The following CRACDL variants were observed in gnomAD, a reference collection of about 807,000 sequenced individuals.
CRACDL encodes the protein CRACD like.
Under a neutral mutation model 70.6 loss-of-function variants are expected in CRACDL, and 26 were observed. That is an observed-to-expected ratio of 0.37 (90% CI 0.27 to 0.51). The LOEUF (loss-of-function observed/expected upper bound fraction) is 0.51. Among genes scored for constraint, CRACDL ranks in the 20% least tolerant of loss-of-function variants. The probability of loss-of-function intolerance (pLI) is 0.94; values close to 1 mark genes in which losing one functional copy is unlikely to be tolerated. For synonymous variants in CRACDL, 618 were observed against 615.2 expected, an observed-to-expected ratio of 1.00 and a Z score of -0.07; for missense variants, 1,283 against 1,376.9, an observed-to-expected ratio of 0.93 and a Z score of 1.08.
At chr2:98,874,278 A>C (rs1707424012) in intron 1 of CRACDL, among the ~76,000 whole-genome samples, 1 of 152,228 alleles carries the variant, frequency 6.6e-6, no homozygotes, top group Non-Finnish European at 1.5e-5. Flanking sequence ...ATAGAACCCA[A>C]CAGCCATCAT....
intron 1 of CRACDL, among the ~76,000 whole-genome samples, chr2:98,872,312 C>G (rs78747015): frequency 6.6e-6 from 1 of 152,118 alleles, no homozygotes; most frequent in African/African-American, 2.4e-5. Flanking sequence ...GAGCTGAGAT[C>G]GCACCACTGC....
chr2:98,897,919 T>C (rs1280911240), intron 1 of CRACDL, among the ~76,000 whole-genome samples: 1 of 152,220 alleles, frequency 6.6e-6, no homozygotes, highest in African/African-American at 2.4e-5. Context: ...AGCGGCTGGC[T>C]TATTACTGCC....
At chr2:98,857,769 T>G (rs1042280557) in intron 1 of CRACDL, among the ~76,000 whole-genome samples, 4 of 151,968 alleles carry the variant, frequency 2.6e-5, no homozygotes, top group African/African-American at 9.7e-5. Flanking sequence ...AAGCAGAAAA[T>G]CAACAGTGAT....
Position 98,832,330 on chromosome 2 carries a change from G to A in CRACDL, c.540+18C>T, listed in dbSNP as rs1234762874. The A allele has an allele frequency of 1.2e-6, 2 of 1,613,918 alleles. No homozygotes were observed. Among genetic ancestry groups the A allele is most frequent in the Non-Finnish European group, 1.7e-6 (2 of 1,179,878 alleles). On this transcript the variant is annotated intron_variant, in intron 5 of 9. Transcript: ENST00000397899. Reference sequence around the variant, plus strand: ...GCAGGTGTGGATGAAGACATGCAGTGGTACAGGCCGCACTTGCCTTTATGG... The same window carrying A: ...GCAGGTGTGGATGAAGACATGCAGTAGTACAGGCCGCACTTGCCTTTATGG...
intron 1 of CRACDL, among the ~76,000 whole-genome samples, chr2:98,933,937 C>T (rs1322459991): frequency 6.6e-6 from 1 of 152,072 alleles, no homozygotes; most frequent in African/African-American, 2.4e-5. Flanking sequence ...CTGGTGGGGG[C>T]CCATTCCTCA....
chr2:98,904,977 G>A (rs1235039487), intron 1 of CRACDL, among the ~76,000 whole-genome samples: 4 of 151,192 alleles, frequency 2.6e-5, no homozygotes, highest in Non-Finnish European at 5.9e-5. Context: ...CCGGCCGGGC[G>A]CGGTGGCTCA....
At chr2:98,804,251 C>T (rs935881565) in intron 7 of CRACDL, among the ~76,000 whole-genome samples, 2 of 152,174 alleles carry the variant, frequency 1.3e-5, no homozygotes, top group Non-Finnish European at 2.9e-5. Flanking sequence ...TGACAGGAGA[C>T]GGTGCTGTGT....
chr2:98,884,250 T>C (rs17022042), intron 1 of CRACDL, among the ~76,000 whole-genome samples: 5,724 of 152,216 alleles, frequency 0.038, 303 homozygotes, highest in East Asian at 0.13. Flanking sequence ...TCTCCTACAC[T>C]GGCCAAATAA....
At chr2:98,833,773 C>T (rs950688861) in intron 3 of CRACDL, among the ~76,000 whole-genome samples, 1 of 152,202 alleles carries the variant, frequency 6.6e-6, no homozygotes, top group African/African-American at 2.4e-5. Flanking sequence ...AAGGAGATGA[C>T]TGAGATCTGA....
chr2:98,907,116 A>G (rs1320070650), intron 1 of CRACDL, among the ~76,000 whole-genome samples: 3 of 152,056 alleles, frequency 2.0e-5, no homozygotes, highest in African/African-American at 7.2e-5. Flanking sequence ...ACATGGTGAA[A>G]CCCTTTCCCT....
chr2:98,825,363 C>G (rs984307147), intron 6 of CRACDL, among the ~76,000 whole-genome samples: 6 of 152,204 alleles, frequency 3.9e-5, no homozygotes, highest in Non-Finnish European at 5.9e-5. Context: ...CTGGCTACAT[C>G]AGGTTTTCTG....
intron 1 of CRACDL, among the ~76,000 whole-genome samples, chr2:98,934,393 C>T (rs1021977150): frequency 2.0e-5 from 3 of 152,104 alleles, no homozygotes; most frequent in Admixed American, 6.6e-5. Context: ...CAGGGCTTCA[C>T]CACGTTGGCC....
intron 9 of CRACDL, 58 bp downstream of exon 9, chr2:98,796,062 C>T (rs1265034190): frequency 6.4e-7 from 1 of 1,566,620 alleles, no homozygotes. Context: ...ACTCAAACTG[C>T]AGGAACGACC....
chr2:98,794,755 G>T, intron 9 of CRACDL, 84 bp from the exon 10 acceptor site: 1 of 1,174,104 alleles, frequency 8.5e-7, no homozygotes, highest in South Asian at 1.4e-5. Flanking sequence ...TCTCGAACTA[G>T]ACATCGAGGT....
chr2:98,808,158 C>T (rs978273111), intron 7 of CRACDL, among the ~76,000 whole-genome samples: 8 of 152,042 alleles, frequency 5.3e-5, no homozygotes, highest in African/African-American at 1.5e-4. Flanking sequence ...CTCCAAGTGT[C>T]GTCCACGGAC....
chr2:98,905,035 G>A (rs916224102), intron 1 of CRACDL, among the ~76,000 whole-genome samples: 6 of 151,990 alleles, frequency 3.9e-5, no homozygotes, highest in Non-Finnish European at 1.5e-5. Flanking sequence ...TGGATCACGA[G>A]GTCAGGAGAT....
At chr2:98,859,802 T>C (rs1394225697) in intron 1 of CRACDL, among the ~76,000 whole-genome samples, 1 of 152,182 alleles carries the variant, frequency 6.6e-6, no homozygotes, top group East Asian at 1.9e-4. Context: ...TGGAGATTCT[T>C]GACAGGGCAA....
At chr2:98,924,433 T>C (rs1271228327) in intron 1 of CRACDL, among the ~76,000 whole-genome samples, 1 of 152,216 alleles carries the variant, frequency 6.6e-6, no homozygotes, top group Non-Finnish European at 1.5e-5. Context: ...AGTGGGGTAA[T>C]ACATGAGGCT....
At chr2:98,934,432 C>T (rs1011219077) in intron 1 of CRACDL, among the ~76,000 whole-genome samples, 6 of 152,036 alleles carry the variant, frequency 3.9e-5, no homozygotes, top group Non-Finnish European at 8.8e-5. Context: ...TGACCTCAGG[C>T]AATCCACCTG....
Sources: allele counts gnomAD v4.1 joint callset (sites outside exome capture counted in the v4.1 genomes callset), GRCh38; gene constraint gnomAD v4.1.1; transcripts MANE v1.5; gene names NCBI Gene and HGNC (gene_info 2026-07-23, HGNC 2026-07-21).